Variants in TG observed in about 807,000 individuals in gnomAD.
TG encodes the protein thyroid hormones.
In TG, 270 loss-of-function variants were observed where a neutral mutation model predicts 324.7. The observed-to-expected ratio is 0.83, with a 90% CI of 0.75 to 0.92. The LOEUF (loss-of-function observed/expected upper bound fraction) is 0.92, where lower values mean the gene tolerates loss of function less well. Among genes scored for constraint, TG ranks in the 40% least tolerant of loss-of-function variants. The probability of loss-of-function intolerance (pLI) is 0.00; values close to 1 mark genes in which losing one functional copy is unlikely to be tolerated. For missense variants in TG, 3,591 were observed against 3,456.4 expected, an observed-to-expected ratio of 1.04 and a Z score of -0.98; for synonymous variants, 1,401 against 1,327.0, an observed-to-expected ratio of 1.06 and a Z score of -1.21.
At chr8:132,903,570 T>C (rs1262436407) in intron 16 of TG, among the ~76,000 whole-genome samples, 1 of 152,178 alleles carries the variant, frequency 6.6e-6, no homozygotes, top group Non-Finnish European at 1.5e-5. Context: ...TTCCTGGTCA[T>C]GTGATCAGGA....
chr8:132,933,182 G>T (rs1271053494), intron 23 of TG, among the ~76,000 whole-genome samples: 1 of 149,132 alleles, frequency 6.7e-6, no homozygotes, highest in African/African-American at 2.5e-5. Context: ...TATTTGGGGG[G>T]TGTATTTGGG....
Position 132,911,448 on chromosome 8 carries a change from C to T in TG, c.4074C>T (p.Thr1358=). Residue 1358 remains threonine (T), a synonymous_variant, in exon 19 of 48, where the codon ACC becomes ACT. Coordinates refer to ENST00000220616, the MANE Select transcript of TG (RefSeq NM_003235.5). Reference sequence around the variant, plus strand: ...CCTCTGTGCAGGTGGGTTGTCTGACCAGGGAGCGTTTAGGAGTGAATGTTA... The same window carrying T: ...CCTCTGTGCAGGTGGGTTGTCTGACTAGGGAGCGTTTAGGAGTGAATGTTA... ...NNSSVQVGCL[T]RERLGVNVTW... is the part of the protein sequence containing the mutation. The T allele has an allele frequency of 6.2e-7, 1 of 1,614,150 alleles. No individual in the cohort carries two copies. Among genetic ancestry groups the T allele is most frequent in the Admixed American group, 1.7e-5 (1 of 60,016 alleles).
rs752551352 is a variant in TG, at chr8:132,966,542, TC to T, written c.5549-15del. 3.7e-6 allele frequency: 6 copies of T among 1,613,902 alleles called. No homozygotes were observed. In the African/African-American group the frequency reaches 6.7e-5, roughly 18 times the overall value. On this transcript the variant is annotated splice_polypyrimidine_tract_variant and intron_variant, in intron 29 of 47. Coordinates refer to ENST00000220616, the MANE Select transcript of TG (RefSeq NM_003235.5). ...AGAGTTAAAGGTGCAGGAAGTTGAC[TC>T]CCTGCTTCTTTTTCAGGTTTGACAA...
intron 13 of TG, among the ~76,000 whole-genome samples, chr8:132,898,486 G>A (rs377030581): frequency 6.6e-6 from 1 of 152,192 alleles, no homozygotes; most frequent in East Asian, 1.9e-4. Context: ...TGTTGAAGGA[G>A]CCCTGGTTCT....
chr8:133,012,184 T>TAATGAGGAGACTTCACCCAG, intron 36 of TG, 149 bp downstream of exon 36: 2 of 1,191,890 alleles, frequency 1.7e-6, no homozygotes, highest in Non-Finnish European at 2.4e-6. Flanking sequence ...AAGACCTGGG[T>TAATGAGGAGACTTCACCCAG]GAAGTCTCCT....
At chr8:132,901,843 T>G (rs1817976668) in intron 16 of TG, among the ~76,000 whole-genome samples, 1 of 152,192 alleles carries the variant, frequency 6.6e-6, no homozygotes, top group African/African-American at 2.4e-5. Context: ...TTATTCTCTG[T>G]GTCTTCAGAT....
At chr8:133,045,100 G>A (rs1468586666) in intron 41 of TG, 7 of 1,614,152 alleles carry the variant, frequency 4.3e-6, no homozygotes, top group East Asian at 2.2e-5. Flanking sequence ...GTGTCTCACC[G>A]ACAGTGAGTA....
chr8:133,038,631 C>T lies in TG; in HGVS notation c.7239+8608C>T, dbSNP rs776826877. ...TTTCGATCAAAGGAGGTGTTGTCCT[C>T]ACTGGTCAGGGACAGGTAAGAGGCA... On this transcript the variant is annotated intron_variant, in intron 41 of 47. Coordinates refer to ENST00000220616, the MANE Select transcript of TG (RefSeq NM_003235.5). 31 of 1,613,818 alleles carry T rather than the reference C, an allele frequency of 1.9e-5. 1 individual carries two copies. The Admixed American group carries it at 5.2e-4, about 27-fold the overall frequency.
rs2246611 is a variant in TG at position 132,948,992 on chromosome 8, G to C, written c.5401+49G>C. The C allele has an allele frequency of 0.79, 1,239,886 of 1,570,562 alleles. 490,179 individuals carry two copies. The highest frequency in any genetic ancestry group is 0.88 in the Admixed American group (52,575 of 59,940). On this transcript the variant is annotated intron_variant, in intron 27 of 47. Coordinates refer to ENST00000220616, the MANE Select transcript of TG (RefSeq NM_003235.5). ...ATTCTTTCAAAATTACTCTTCACAC[G>C]AGCAAGGCCCTCTGCTACTTTCTTA...
intron 41 of TG, chr8:133,036,961 GTTGGCTGGTTCCT>G (rs1431316149): frequency 1.3e-5 from 2 of 152,314 alleles, no homozygotes. Flanking sequence ...TTTCTCATAC[GTTGGCTGGTTCCT>G]TTGAAATAGC....
chr8:133,030,905 G>A (rs1836578927), intron 41 of TG, among the ~76,000 whole-genome samples: 1 of 152,234 alleles, frequency 6.6e-6, no homozygotes, highest in East Asian at 1.9e-4. Context: ...GCAGAGATGA[G>A]CCAGACTGCC....
intron 41 of TG, among the ~76,000 whole-genome samples, chr8:133,055,359 ACG>A (rs150703045): frequency 0.073 from 6,355 of 86,584 alleles, 190 homozygotes; most frequent in East Asian, 0.15. Flanking sequence ...ACACACACGC[ACG>A]CGCGCACACA....
chr8:133,105,959 A>G (rs897791539), intron 43 of TG, among the ~76,000 whole-genome samples: 1 of 152,164 alleles, frequency 6.6e-6, no homozygotes, highest in Non-Finnish European at 1.5e-5. Context: ...GCTATAGGAC[A>G]GTTGGAGCCC....
chr8:133,034,257 G>T (rs1429313341), intron 41 of TG, among the ~76,000 whole-genome samples: 1 of 152,174 alleles, frequency 6.6e-6, no homozygotes, highest in East Asian at 1.9e-4. Flanking sequence ...CATGAATCAG[G>T]TAAACACTGT....
chr8:132,977,112 C>T (rs1255570161), intron 34 of TG, among the ~76,000 whole-genome samples: 1 of 152,164 alleles, frequency 6.6e-6, no homozygotes, highest in Non-Finnish European at 1.5e-5. Flanking sequence ...AAAACCACAC[C>T]AGTATACTGA....
chr8:132,948,945 T>C lies in TG; in HGVS notation c.5401+2T>C, dbSNP rs777380226. The C allele has an allele frequency of 6.2e-7, 1 of 1,612,744 alleles. No individual in the cohort carries two copies. The highest frequency in any genetic ancestry group is 1.1e-5 in the South Asian group (1 of 91,074). ...TTGGAGACCAGGAGTTCATCAAGAG[T>C]AAGTCTTTGCCATTTGTCCATATTC... is the stretch of plus-strand genomic sequence containing the variant. On this transcript the variant is annotated splice_donor_variant, in intron 27 of 47. Transcript: ENST00000220616. LOFTEE classifies it high-confidence loss of function.
At position 133,019,632 on chromosome 8, in the gene TG, A is replaced by G. The variant is rs1197823528; in HGVS notation, c.6813A>G (p.Thr2271=). ...GCTGCTGGCAGCCAGGCACCAGAACATCCACGTCTCCTGGAGTCAGTGAAG... is the reference window on the plus strand; with the variant it reads ...GCTGCTGGCAGCCAGGCACCAGAACGTCCACGTCTCCTGGAGTCAGTGAAG... ...RASCWQPGTR[T]STSPGVSEDC... Residue 2271 remains threonine, a synonymous_variant, in exon 39 of 48, where the codon ACA becomes ACG. Coordinates refer to ENST00000220616, the MANE Select transcript of TG (RefSeq NM_003235.5). 1.2e-6 allele frequency: 2 copies of G among 1,613,822 alleles called. No homozygotes were observed. The highest frequency in any genetic ancestry group is 2.7e-5 in the African/African-American group (2 of 74,944).
intron 41 of TG, chr8:133,076,598 G>A (rs1255750312): frequency 1.3e-5 from 2 of 152,074 alleles, no homozygotes; most frequent in Non-Finnish European, 2.9e-5. Flanking sequence ...GAGTAAAAGA[G>A]CTTTAGACTG....
intron 35 of TG, among the ~76,000 whole-genome samples, chr8:133,008,736 G>T (rs539426620): frequency 1.4e-4 from 22 of 152,228 alleles, no homozygotes; most frequent in Non-Finnish European, 2.5e-4. Flanking sequence ...CTAAGCAAAA[G>T]GGTGTATTAC....
Sources: gnomAD v4.1 joint callset for allele counts (sites outside exome capture counted in the v4.1 genomes callset) on GRCh38, gnomAD v4.1.1 for gene constraint, MANE v1.5 for transcripts, NCBI Gene and HGNC (gene_info 2026-07-23, HGNC 2026-07-21) for gene names.